Variants in SCHIP1 observed in about 807,000 individuals in gnomAD.
SCHIP1 encodes the protein schwannomin interacting protein 1.
Under a neutral mutation model 29.7 loss-of-function variants are expected in SCHIP1, and 8 were observed. The observed-to-expected ratio is 0.27, with a 90% confidence interval of 0.16 to 0.49. The LOEUF (loss-of-function observed/expected upper bound fraction) is 0.49, where lower values mean the gene tolerates loss of function less well. Among genes scored for constraint, SCHIP1 ranks in the 20% least tolerant of loss-of-function variants. The pLI is 0.99. For missense variants in SCHIP1, 193 were observed against 294.6 expected, an observed-to-expected ratio of 0.66 and a Z score of 2.52; for synonymous variants, 76 against 94.9, an observed-to-expected ratio of 0.80 and a Z score of 1.16.
chr3:159,854,952 G>C (rs1346634597), intron 1 of SCHIP1, among the ~76,000 whole-genome samples: 3 of 152,224 alleles, frequency 2.0e-5, no homozygotes, highest in Non-Finnish European at 4.4e-5. Context: ...TAAAGCTACA[G>C]ACATGTACGG....
the SCHIP1 span, among the ~76,000 whole-genome samples, chr3:159,330,352 G>T: frequency 6.6e-6 from 1 of 152,160 alleles, no homozygotes; most frequent in East Asian, 1.9e-4. Flanking sequence ...TATTAAGAAT[G>T]ATGGATAATT....
chr3:159,355,591 T>C, the SCHIP1 span, among the ~76,000 whole-genome samples: 2 of 152,158 alleles, frequency 1.3e-5, no homozygotes, highest in Non-Finnish European at 2.9e-5. Context: ...ACTATGTATT[T>C]ATCCTGGATT....
chr3:159,847,682 G>A (rs1375000820), intron 1 of SCHIP1, among the ~76,000 whole-genome samples: 1 of 152,102 alleles, frequency 6.6e-6, no homozygotes, highest in Non-Finnish European at 1.5e-5. Context: ...TACAACTATG[G>A]CCCACGATCT....
chr3:159,770,502 G>A, the SCHIP1 span, among the ~76,000 whole-genome samples: 3 of 151,988 alleles, frequency 2.0e-5, no homozygotes, highest in South Asian at 2.1e-4. Context: ...CAGGTAATCC[G>A]CCCACCTTCG....
At chr3:159,475,763 A>G in the SCHIP1 span, among the ~76,000 whole-genome samples, 2 of 152,170 alleles carry the variant, frequency 1.3e-5, no homozygotes, top group African/African-American at 4.8e-5. Flanking sequence ...GGCAACTTCA[A>G]AAATTTTCTT....
the SCHIP1 span, among the ~76,000 whole-genome samples, chr3:159,565,927 A>T: frequency 6.6e-6 from 1 of 152,240 alleles, no homozygotes; most frequent in South Asian, 2.1e-4. Flanking sequence ...TCACAGTAGG[A>T]TAATCACTTA....
At chr3:159,767,514 G>C in the SCHIP1 span, among the ~76,000 whole-genome samples, 2 of 152,148 alleles carry the variant, frequency 1.3e-5, no homozygotes, top group East Asian at 3.8e-4. Context: ...TGAAGGAACT[G>C]TTCAAATCCA....
the SCHIP1 span, among the ~76,000 whole-genome samples, chr3:159,679,855 A>G: frequency 6.6e-6 from 1 of 151,850 alleles, no homozygotes; most frequent in Non-Finnish European, 1.5e-5. Flanking sequence ...CTCTCTACTC[A>G]TCTGCCATTA....
the SCHIP1 span, among the ~76,000 whole-genome samples, chr3:159,599,681 A>C: frequency 6.6e-6 from 1 of 152,146 alleles, no homozygotes; most frequent in East Asian, 1.9e-4. Flanking sequence ...GTATTTTTGC[A>C]GTGCAAATTG....
the SCHIP1 span, among the ~76,000 whole-genome samples, chr3:159,515,133 A>G: frequency 6.6e-6 from 1 of 152,030 alleles, no homozygotes; most frequent in African/African-American, 2.4e-5. Flanking sequence ...TTTAGTCTCA[A>G]AACTTCTGTC....
the SCHIP1 span, among the ~76,000 whole-genome samples, chr3:159,729,555 T>C: frequency 6.6e-6 from 1 of 152,162 alleles, no homozygotes; most frequent in African/African-American, 2.4e-5. Context: ...TAAAAACAAG[T>C]TAGAAAACAT....
At chr3:159,574,062 CT>C in the SCHIP1 span, among the ~76,000 whole-genome samples, 7 of 152,166 alleles carry the variant, frequency 4.6e-5, no homozygotes, top group African/African-American at 1.7e-4. Flanking sequence ...GAACATCCTC[CT>C]TTGGCTCAGA....
chr3:159,693,335 A>T, the SCHIP1 span, among the ~76,000 whole-genome samples: 1 of 152,204 alleles, frequency 6.6e-6, no homozygotes, highest in African/African-American at 2.4e-5. Flanking sequence ...AGGATAAAAT[A>T]TACGCACACA....
At chr3:159,732,936 C>T in the SCHIP1 span, among the ~76,000 whole-genome samples, 142 of 152,292 alleles carry the variant, frequency 9.3e-4, 4 homozygotes, top group South Asian at 9.8e-3. Context: ...TGCAGCCTGG[C>T]TTGTTAGCCA....
chr3:159,522,281 G>A, the SCHIP1 span, among the ~76,000 whole-genome samples: 1 of 152,142 alleles, frequency 6.6e-6, no homozygotes, highest in Non-Finnish European at 1.5e-5. Context: ...ATGGGCCTAA[G>A]GTTGTATTTT....
chr3:159,644,336 T>G, the SCHIP1 span, among the ~76,000 whole-genome samples: 1 of 152,152 alleles, frequency 6.6e-6, no homozygotes, highest in Non-Finnish European at 1.5e-5. Flanking sequence ...TATTACAGAC[T>G]ATCAAACATG....
chr3:159,520,333 G>A, the SCHIP1 span, among the ~76,000 whole-genome samples: 1 of 152,082 alleles, frequency 6.6e-6, no homozygotes, highest in East Asian at 1.9e-4. Context: ...GGGCAGATGA[G>A]CAGCAATGAC....
the SCHIP1 span, among the ~76,000 whole-genome samples, chr3:159,714,507 A>G: frequency 2.0e-5 from 3 of 152,220 alleles, no homozygotes; most frequent in African/African-American, 7.2e-5. Flanking sequence ...AAGGGAAGCC[A>G]TGACAGACAA....
the SCHIP1 span, among the ~76,000 whole-genome samples, chr3:159,487,012 A>G: frequency 6.6e-6 from 1 of 152,218 alleles, no homozygotes; most frequent in Non-Finnish European, 1.5e-5. Context: ...CAGTAGTCTG[A>G]ACTCTTGGAG....
Sources: gnomAD v4.1 joint callset for allele counts (sites outside exome capture counted in the v4.1 genomes callset) on GRCh38, gnomAD v4.1.1 for gene constraint, MANE v1.5 for transcripts, NCBI Gene and HGNC (gene_info 2026-07-23, HGNC 2026-07-21) for gene names.